Variants in PRELP observed in about 807,000 individuals in gnomAD.
The protein encoded by PRELP is prolargin.
PRELP carries 16 observed loss-of-function variants against 22.8 expected under a neutral mutation model. That is an observed-to-expected ratio of 0.70 (90% CI 0.47 to 1.06). PRELP has a LOEUF of 1.06. Ranked by LOEUF, PRELP falls within the 50% of genes least tolerant of loss-of-function variation. The pLI, the probability that PRELP is intolerant of heterozygous loss-of-function variation, is 0.00. For missense variants in PRELP, 434 were observed against 485.2 expected, an observed-to-expected ratio of 0.89 and a Z score of 0.99; for synonymous variants, 233 against 211.4, an observed-to-expected ratio of 1.10 and a Z score of -0.89.
In PRELP at chr1:203,483,569, C is replaced by A. The variant is rs139739246; in HGVS notation, c.385C>A (p.Arg129=). 1 of 1,614,226 alleles carries A rather than the reference C, an allele frequency of 6.2e-7. No homozygotes were observed. ...VESFQNATGL[R]WINLDNNRIR... The stretch of plus-strand genomic sequence containing the variant: ...GTCCTTCCAGAATGCCACAGGCCTG[C>A]GATGGATTAACCTGGACAACAACCG... The change falls in exon 2 of 3, where the codon CGA becomes AGA. Residue 129 remains arginine, a synonymous_variant. Transcript: ENST00000343110. This position sits in a 1 kb window ranked among gnomAD's most constrained non-coding sequence, Gnocchi z 4.4.
Position 203,484,040 on chromosome 1 carries a change from A to G in PRELP, c.856A>G (p.Asn286Asp), listed in dbSNP as rs1025145382. The change falls in exon 2 of 3, where the codon AAC becomes GAC. Residue 286 changes from asparagine (N) to aspartate (D), a missense_variant. By Grantham distance (23) the Asn-to-Asp change is conservative. Coordinates refer to ENST00000343110, the MANE Select transcript of PRELP (RefSeq NM_002725.4). ...NKLTDRGLPK[N>D]SFNISNLLVL... ...GCTGACAGACAGGGGACTCCCCAAG[A>G]ACTCCTTTAATATCTCCAACCTGCT... 1.9e-5 allele frequency: 31 copies of G among 1,614,092 alleles called. No individual in the cohort carries two copies. The highest frequency in any genetic ancestry group is 2.5e-5 in the Non-Finnish European group (29 of 1,180,042).
Position 203,489,095 on chromosome 1 carries a change from G to T in PRELP, c.*2214G>T, listed in dbSNP as rs1308500933. On this transcript the variant is annotated 3_prime_UTR_variant, in exon 3 of 3. Transcript: ENST00000343110. Reference sequence around the variant, plus strand: ...TCTAGCTGCAGCTGGTTTCTTCAAGGCTCCTGCTTAAAGTCCACACGTTAT... The same window carrying T: ...TCTAGCTGCAGCTGGTTTCTTCAAGTCTCCTGCTTAAAGTCCACACGTTAT... 6.6e-6 allele frequency: 1 copy of T among 152,530 alleles called. No homozygotes were observed. Among genetic ancestry groups the T allele is most frequent in the African/African-American group, 2.4e-5 (1 of 41,416 alleles). 9.4% of individuals were successfully genotyped at this position (152,530 alleles called of 1,614,324 possible).
rs760280204 is a variant in PRELP, at chr1:203,483,866, C to G, written c.682C>G (p.Leu228Val). Residue 228 changes from leucine (L) to valine (V), a missense_variant, in exon 2 of 3, where the codon CTG (leucine) becomes GTG (valine). Leu to Val is a conservative substitution (Grantham distance 32). Transcript: ENST00000343110. The surrounding 1 kb of genome is among the most constrained non-coding windows in gnomAD (Gnocchi z 4.4). ...CCTCAAGAACCTCATGCAGCTCAAC[C>G]TGGCCCACAACATCCTGAGAAAGAT... ...HGLKNLMQLN[L>V]AHNILRKMPP... 1.3e-5 allele frequency: 21 copies of G among 1,614,250 alleles called. No homozygotes were observed. The highest frequency in any genetic ancestry group is 1.8e-5 in the Non-Finnish European group (21 of 1,180,050).
chr1:203,477,231 A>G (rs1017871490), intron 1 of PRELP, among the ~76,000 whole-genome samples: 1 of 152,118 alleles, frequency 6.6e-6, no homozygotes, highest in African/African-American at 2.4e-5. Context: ...GGAGATTCTG[A>G]TGGTCCACCA....
At chr1:203,481,573 A>G (rs562020620) in intron 1 of PRELP, among the ~76,000 whole-genome samples, 5 of 152,374 alleles carry the variant, frequency 3.3e-5, no homozygotes, top group Admixed American at 3.3e-4. Flanking sequence ...ATGGCCTTCC[A>G]GACCTCCTTG....
rs773637576 is a variant in PRELP at position 203,483,808 on chromosome 1, C to T, written c.624C>T (p.Ser208=). 55 of 1,614,020 alleles carry T rather than the reference C, an allele frequency of 3.4e-5. No individual in the cohort carries two copies. Among genetic ancestry groups the T allele is most frequent in the African/African-American group, 8.0e-5 (6 of 74,922 alleles). ...LLLDLQHNRL[S]DGVFKPDTFH... ...TGGATCTCCAGCACAACAGGCTGAG[C>T]GACGGCGTCTTCAAGCCCGACACCT... The change falls in exon 2 of 3, where the codon AGC becomes AGT. Residue 208 remains serine (S), a synonymous_variant. Coordinates refer to ENST00000343110, the MANE Select transcript of PRELP (RefSeq NM_002725.4). The surrounding 1 kb of genome is among the most constrained non-coding windows in gnomAD (Gnocchi z 4.4).
chr1:203,482,400 T>C (rs529448470), intron 1 of PRELP, among the ~76,000 whole-genome samples: 1 of 151,368 alleles, frequency 6.6e-6, no homozygotes, highest in Admixed American at 6.6e-5. Context: ...TGCCTCAGCC[T>C]CCCAAGTAGC....
At chr1:203,481,637 T>TCCTTCCCTTC (rs1661001655) in intron 1 of PRELP, among the ~76,000 whole-genome samples, 1 of 152,208 alleles carries the variant, frequency 6.6e-6, no homozygotes, top group African/African-American at 2.4e-5. Flanking sequence ...AAAGACAGTC[T>TCCTTCCCTTC]CTGCCTTCCT....
At chr1:203,477,705 C>G (rs943493190) in intron 1 of PRELP, among the ~76,000 whole-genome samples, 1 of 135,118 alleles carries the variant, frequency 7.4e-6, no homozygotes, top group East Asian at 2.3e-4. Context: ...GTGAGTGAAG[C>G]ATTTCAAGGC....
intron 2 of PRELP, among the ~76,000 whole-genome samples, chr1:203,486,332 A>T (rs1661090703): frequency 6.6e-6 from 1 of 152,132 alleles, no homozygotes; most frequent in Admixed American, 6.5e-5. Context: ...TACTATTCCC[A>T]GATTCGCCCA....
chr1:203,476,336 C>G (rs903714751), intron 1 of PRELP, among the ~76,000 whole-genome samples: 2 of 152,142 alleles, frequency 1.3e-5, no homozygotes, highest in Non-Finnish European at 2.9e-5. Context: ...GGAGGCTGCA[C>G]GTTCACTACC....
Position 203,486,821 on chromosome 1 carries a change from G to GCCGCCCATC in PRELP, c.1094_1102dup (p.Pro365_Pro367dup), listed in dbSNP as rs1384721280. 1.2e-6 allele frequency: 2 copies of GCCGCCCATC among 1,614,080 alleles called. No homozygotes were observed. Among genetic ancestry groups the GCCGCCCATC allele is most frequent in the Non-Finnish European group, 1.7e-6 (2 of 1,180,036 alleles). On this transcript the variant is annotated inframe_insertion, in exon 3 of 3. Coordinates refer to ENST00000343110, the MANE Select transcript of PRELP (RefSeq NM_002725.4). ...TGCGGCTGGATGGAAACTACTTGAA[G>GCCGCCCATC]CCGCCCATCCCGCTGGACCTCATGA...
At chr1:203,476,958 G>A (rs2102203717) in intron 1 of PRELP, among the ~76,000 whole-genome samples, 1 of 147,752 alleles carries the variant, frequency 6.8e-6, no homozygotes, top group South Asian at 2.1e-4. Flanking sequence ...AAAAAAGGCA[G>A]CAGTTCCTTA....
chr1:203,483,388 T>C lies in PRELP; in HGVS notation c.204T>C (p.Ser68=), dbSNP rs1344633835. 6.2e-7 allele frequency: 1 copy of C among 1,613,952 alleles called. No homozygotes were observed. Among genetic ancestry groups the C allele is most frequent in the Non-Finnish European group, 8.5e-7 (1 of 1,180,004 alleles). ...CTCCCCTCCCTCCAGGCCCTCCATC[T>C]ATCTTCCCTGACTGTCCCCGCGAAT... The part of the protein sequence containing the change: ...LPPPLPPGPP[S]IFPDCPRECY... Residue 68 remains serine (S), a synonymous_variant, in exon 2 of 3, where the codon TCT becomes TCC. Coordinates refer to ENST00000343110, the MANE Select transcript of PRELP (RefSeq NM_002725.4). The surrounding 1 kb of genome is among the most constrained non-coding windows in gnomAD (Gnocchi z 4.4).
intron 1 of PRELP, among the ~76,000 whole-genome samples, chr1:203,479,148 TAAG>T (rs1384255923): frequency 2.0e-5 from 3 of 152,102 alleles, no homozygotes; most frequent in Non-Finnish European, 1.5e-5. Flanking sequence ...ATCTGACAAG[TAAG>T]AAGAATGCCA....
In PRELP at chr1:203,484,093, C is replaced by G. The variant is rs1366092939; in HGVS notation, c.909C>G (p.Ile303Met). Residue 303 changes from isoleucine (I) to methionine (M), a missense_variant, in exon 2 of 3, where the codon ATC becomes ATG. Physicochemically the swap from Ile to Met is conservative, Grantham distance 10 (BLOSUM62 1). Coordinates refer to ENST00000343110, the MANE Select transcript of PRELP (RefSeq NM_002725.4). ...TGCTCCACCTGTCCCACAACAGGAT[C>G]AGCAGTGTGCCCGCCATCAACAACA... ...LLVLHLSHNR[I>M]SSVPAINNRL... The G allele has an allele frequency of 6.2e-7, 1 of 1,613,940 alleles. No individual in the cohort carries two copies. The highest frequency in any genetic ancestry group is 1.7e-5 in the Admixed American group (1 of 60,000).
chr1:203,485,214 G>C (rs1385404983), intron 2 of PRELP, among the ~76,000 whole-genome samples: 2 of 151,770 alleles, frequency 1.3e-5, no homozygotes, highest in African/African-American at 4.8e-5. Context: ...TTACCCTGGA[G>C]ACAGCACACT....
chr1:203,483,818 T>C lies in PRELP; in HGVS notation c.634T>C (p.Phe212Leu). 6.2e-7 allele frequency: 1 copy of C among 1,614,154 alleles called. No homozygotes were observed. ...GCACAACAGGCTGAGCGACGGCGTC[T>C]TCAAGCCCGACACCTTCCATGGCCT... ...LQHNRLSDGV[F>L]KPDTFHGLKN... Residue 212 changes from phenylalanine to leucine, a missense_variant, in exon 2 of 3, where the codon TTC becomes CTC. Physicochemically the swap from Phe to Leu is conservative, Grantham distance 22 (BLOSUM62 0). Coordinates refer to ENST00000343110, the MANE Select transcript of PRELP (RefSeq NM_002725.4). The surrounding 1 kb of genome is among the most constrained non-coding windows in gnomAD (Gnocchi z 4.4).
chr1:203,482,911 ACCAGCATGTC>A (rs1661028867), intron 1 of PRELP, among the ~76,000 whole-genome samples: 1 of 151,914 alleles, frequency 6.6e-6, no homozygotes, highest in African/African-American at 2.4e-5. Flanking sequence ...TGTGCTTTCT[ACCAGCATGTC>A]CCCCGCCCTC....
Sources: allele counts gnomAD v4.1 joint callset (sites outside exome capture counted in the v4.1 genomes callset), GRCh38; gene constraint gnomAD v4.1.1; non-coding constraint Gnocchi (gnomAD v3.1); transcripts MANE v1.5; gene names NCBI Gene and HGNC (gene_info 2026-07-23, HGNC 2026-07-21).